OXCT1: variants seen among roughly 807,000 people sequenced by gnomAD.
OXCT1 encodes 3-oxoacid CoA-transferase 1.
Under a neutral mutation model 69.6 loss-of-function variants are expected in OXCT1, and 27 were observed. The ratio of observed to expected loss-of-function variants is 0.39; its 90% CI spans 0.29 to 0.54. The LOEUF is 0.54. Among genes scored for constraint, OXCT1 ranks in the 20% least tolerant of loss-of-function variants. The pLI is 0.72. For missense variants in OXCT1, 437 were observed against 650.2 expected (o/e 0.67, Z 3.57); for synonymous variants, 202 against 217.8 (o/e 0.93, Z 0.64).
chr5:41,811,342 T>C (rs11738956), intron 7 of OXCT1, among the ~76,000 whole-genome samples: 8,680 of 152,080 alleles, frequency 0.057, 270 homozygotes, highest in African/African-American at 0.079. Context: ...ATAAATATGG[T>C]AATGAATATC....
chr5:41,843,566 C>A (rs778514586), intron 5 of OXCT1: 2 of 456,106 alleles, frequency 4.4e-6, no homozygotes, highest in South Asian at 3.1e-5. Context: ...TAAAGCAAAA[C>A]TGTCTTGCCA....
In OXCT1 at chr5:41,845,016, C is replaced by T. The variant is rs1050513234; in HGVS notation, c.565-2235G>A. On this transcript the variant is annotated intron_variant, in intron 5 of 16. Transcript: ENST00000196371. ...ACAAAAGACAACTCAAATTACATCA[C>T]TCTCACCCTTATTCAAAACTCCATA... Among the ~76,000 whole-genome samples the T allele has an allele frequency of 2.6e-5, 4 of 151,824 alleles. No individual in the cohort carries two copies. The South Asian group carries it at 8.3e-4, about 32-fold the overall frequency.
chr5:41,864,394 C>A (rs962677905), intron 1 of OXCT1, among the ~76,000 whole-genome samples: 2 of 152,160 alleles, frequency 1.3e-5, no homozygotes, highest in Non-Finnish European at 2.9e-5. Context: ...AATATGCCAG[C>A]ACACTGCTCA....
intron 7 of OXCT1, among the ~76,000 whole-genome samples, chr5:41,826,020 A>G (rs866006327): frequency 5.3e-4 from 81 of 152,192 alleles, no homozygotes; most frequent in South Asian, 1.2e-3. Flanking sequence ...TTCAAATACA[A>G]AGGCAGAGAG....
At chr5:41,771,540 T>C (rs1744870674) in intron 13 of OXCT1, among the ~76,000 whole-genome samples, 1 of 152,202 alleles carries the variant, frequency 6.6e-6, no homozygotes, top group African/African-American at 2.4e-5. Context: ...CTCCTAGCTC[T>C]GTTCTGAAGC....
At position 41,749,592 on chromosome 5, in the gene OXCT1, T is replaced by G; in HGVS notation, c.1354A>C (p.Ile452Leu). ...AATGGTAATGTACATTTCTCCATGA[T>G]TTTATGTGCATTTCCCTGTTTTAAA... is the stretch of plus-strand genomic sequence containing the variant. Reference protein sequence around the residue: ...EHSAKGNAHKIMEKCTLPLTG... With the variant: ...EHSAKGNAHKLMEKCTLPLTG... Residue 452 changes from isoleucine to leucine, a missense_variant, in exon 15 of 17, where the codon ATC (isoleucine) becomes CTC (leucine). Ile to Leu is a conservative substitution (Grantham distance 5). Around this residue, in one of 4 missense-constraint regions of OXCT1, gnomAD observed 102 missense variants for 162.1 expected, o/e 0.63. Transcript: ENST00000196371. The G allele has an allele frequency of 6.2e-7, 1 of 1,605,222 alleles. No individual in the cohort carries two copies. Among genetic ancestry groups the G allele is most frequent in the Admixed American group, 1.7e-5 (1 of 59,798 alleles).
intron 1 of OXCT1, among the ~76,000 whole-genome samples, chr5:41,867,270 T>C (rs980451957): frequency 6.6e-6 from 1 of 152,194 alleles, no homozygotes; most frequent in Non-Finnish European, 1.5e-5. Context: ...ATTTCTTTCC[T>C]TCACTCATTT....
intron 1 of OXCT1, among the ~76,000 whole-genome samples, chr5:41,863,995 C>G (rs1407989126): frequency 6.6e-6 from 1 of 152,156 alleles, no homozygotes; most frequent in African/African-American, 2.4e-5. Context: ...TTTATGGAGG[C>G]TACATAAAAG....
At chr5:41,867,227 G>A (rs1750030725) in intron 1 of OXCT1, among the ~76,000 whole-genome samples, 1 of 152,170 alleles carries the variant, frequency 6.6e-6, no homozygotes, top group African/African-American at 2.4e-5. Flanking sequence ...CTCAAAGGAA[G>A]CCTGAATTAA....
intron 7 of OXCT1, among the ~76,000 whole-genome samples, chr5:41,823,328 C>T (rs1039669658): frequency 6.6e-6 from 1 of 152,164 alleles, no homozygotes; most frequent in Admixed American, 6.5e-5. Context: ...TTGGTCTTCA[C>T]CAAAACTCTG....
intron 5 of OXCT1, among the ~76,000 whole-genome samples, chr5:41,849,089 A>G (rs934179347): frequency 1.3e-5 from 2 of 152,218 alleles, no homozygotes; most frequent in Admixed American, 1.3e-4. Context: ...AAAGCTTTGA[A>G]TCCACATAGA....
intron 16 of OXCT1, among the ~76,000 whole-genome samples, chr5:41,733,337 C>T (rs746107913): frequency 3.3e-5 from 5 of 151,568 alleles, no homozygotes; most frequent in Non-Finnish European, 5.9e-5. Context: ...ACCTCCGCCT[C>T]CTGGGTTCAA....
chr5:41,794,300 A>C (rs1746072516), intron 12 of OXCT1: 1 of 611,622 alleles, frequency 1.6e-6, no homozygotes, highest in Non-Finnish European at 2.9e-6. Flanking sequence ...ATAACAAACT[A>C]TGAACAGGTG....
intron 5 of OXCT1, among the ~76,000 whole-genome samples, chr5:41,847,384 T>A (rs1249825905): frequency 1.3e-5 from 2 of 152,184 alleles, no homozygotes; most frequent in Non-Finnish European, 2.9e-5. Context: ...CTTCTTAAAC[T>A]ATTCCAATCA....
At chr5:41,860,651 A>G (rs1030612247) in intron 3 of OXCT1, among the ~76,000 whole-genome samples, 6 of 152,202 alleles carry the variant, frequency 3.9e-5, no homozygotes, top group African/African-American at 1.4e-4. Flanking sequence ...TAAAATCCTT[A>G]AAGTCTTTAA....
At chr5:41,810,019 A>G (rs1213791360) in intron 7 of OXCT1, among the ~76,000 whole-genome samples, 1 of 152,068 alleles carries the variant, frequency 6.6e-6, no homozygotes, top group Non-Finnish European at 1.5e-5. Context: ...ATAGCTAAGA[A>G]AGAAAATATT....
chr5:41,862,760 T>TA lies in OXCT1; in HGVS notation c.79-11dup, dbSNP rs748715820. 33,629 of 1,177,082 alleles carry TA rather than the reference T, an allele frequency of 0.029. 1 individual carries two copies. Among genetic ancestry groups the TA allele is most frequent in the Non-Finnish European group, 0.032 (27,152 of 861,830 alleles). 72.9% of individuals were successfully genotyped at this position (1,177,082 alleles called of 1,614,324 possible). On this transcript the variant is annotated splice_polypyrimidine_tract_variant and intron_variant, in intron 1 of 16. Coordinates refer to ENST00000196371, the MANE Select transcript of OXCT1 (RefSeq NM_000436.4). ...AGGAACAAACACATCCCTGAAATAT[T>TA]AAAAAAAAAAAATTGATAATCATTT...
At chr5:41,816,407 T>C (rs142822917) in intron 7 of OXCT1, among the ~76,000 whole-genome samples, 418 of 152,324 alleles carry the variant, frequency 2.7e-3, no homozygotes, top group African/African-American at 8.7e-3. Context: ...ACTATGACTT[T>C]AGCATGATGA....
chr5:41,775,778 G>T (rs544244890), intron 13 of OXCT1, among the ~76,000 whole-genome samples: 1 of 152,192 alleles, frequency 6.6e-6, no homozygotes, highest in African/African-American at 2.4e-5. Flanking sequence ...GTTGAAAGGG[G>T]CTTATTATGA....
Sources: allele counts gnomAD v4.1 joint callset (sites outside exome capture counted in the v4.1 genomes callset), GRCh38; gene constraint gnomAD v4.1.1; regional missense constraint gnomAD v4.1.1; transcripts MANE v1.5; gene names NCBI Gene and HGNC (gene_info 2026-07-23, HGNC 2026-07-21).